Variants in MTPAP observed in about 807,000 individuals in gnomAD.
MTPAP encodes poly(A) RNA polymerase, mitochondrial.
Under a neutral mutation model 48.7 loss-of-function variants are expected in MTPAP, and 23 were observed. That is an observed-to-expected ratio of 0.47 (90% CI 0.34 to 0.67). The LOEUF is 0.67. MTPAP is among the 30% of genes least tolerant of loss of function. The pLI is 0.01. For synonymous variants in MTPAP, 257 were observed against 254.1 expected (o/e 1.01, Z -0.11); for missense variants, 614 against 694.3 (o/e 0.88, Z 1.30).
chr10:30,320,444 C>T (rs1487823357), intron 6 of MTPAP, among the ~76,000 whole-genome samples: 2 of 152,036 alleles, frequency 1.3e-5, no homozygotes, highest in Non-Finnish European at 2.9e-5. Context: ...ATTACGTGAG[C>T]CCGGGAGGTC....
Position 30,313,548 on chromosome 10 carries a change from CAA to C in MTPAP, c.*59_*60del. ...TGTGAAAGTTTCAAATCAGTTTTTC[CAA>C]GTAAGTCCACAGACCATTTGATAGG... On this transcript the variant is annotated 3_prime_UTR_variant, in exon 9 of 9. Transcript: ENST00000263063. The C allele has an allele frequency of 6.2e-7, 1 of 1,605,814 alleles. No individual in the cohort carries two copies.
chr10:30,345,521 A>G (rs1224915433), intron 1 of MTPAP, among the ~76,000 whole-genome samples: 1 of 152,218 alleles, frequency 6.6e-6, no homozygotes, highest in African/African-American at 2.4e-5. Flanking sequence ...GAGAAGATGA[A>G]AAAGGTAGAA....
At chr10:30,335,162 TAC>T (rs1834713667) in intron 4 of MTPAP, among the ~76,000 whole-genome samples, 1 of 152,182 alleles carries the variant, frequency 6.6e-6, no homozygotes, top group South Asian at 2.1e-4. Context: ...TAAGGAAAGA[TAC>T]AGCCATAGAA....
At chr10:30,330,057 C>T (rs182547077) in intron 4 of MTPAP, among the ~76,000 whole-genome samples, 1 of 151,934 alleles carries the variant, frequency 6.6e-6, no homozygotes, top group African/African-American at 2.4e-5. Context: ...GGCAGTGTGA[C>T]CAACAGAGAT....
intron 1 of MTPAP, among the ~76,000 whole-genome samples, chr10:30,343,405 C>CA (rs1235833038): frequency 0.066 from 5,936 of 89,510 alleles, 287 homozygotes; most frequent in African/African-American, 0.15. Context: ...GAGACTGTCT[C>CA]AAAAAAAAAA....
Position 30,340,265 on chromosome 10 carries a change from T to C in MTPAP, c.516A>G (p.Ser172=). 1 of 1,614,236 alleles carries C rather than the reference T, an allele frequency of 6.2e-7. No individual in the cohort carries two copies. Among genetic ancestry groups the C allele is most frequent in the Non-Finnish European group, 8.5e-7 (1 of 1,180,024 alleles). The change falls in exon 3 of 9, where the codon TCA becomes TCG. Residue 172 remains serine, a synonymous_variant. Coordinates refer to ENST00000263063, the MANE Select transcript of MTPAP (RefSeq NM_018109.4). ...AAAGTAATTCAAAAAGCTGCTTGTT[T>C]GAACGTGGCAACTGATTACTTGACC... ...RVRSSNQLPR[S]NKQLFELLCY...
Position 30,313,502 on chromosome 10 carries a change from C to A in MTPAP, c.*107G>T. On this transcript the variant is annotated 3_prime_UTR_variant, in exon 9 of 9. Transcript: ENST00000263063. ...CCAATGAGAAGATCATGAAAAGTGA[C>A]ATCAGATGAAAGCTGAGATCTGTGA... The A allele has an allele frequency of 6.9e-7, 1 of 1,449,288 alleles. No individual in the cohort carries two copies. The highest frequency in any genetic ancestry group is 1.2e-5 in the South Asian group (1 of 86,088). 89.8% of individuals were successfully genotyped at this position (1,449,288 alleles called of 1,614,324 possible).
chr10:30,331,870 A>C (rs1201808516), intron 4 of MTPAP, among the ~76,000 whole-genome samples: 1 of 152,228 alleles, frequency 6.6e-6, no homozygotes, highest in Non-Finnish European at 1.5e-5. Context: ...CCTAGCTGTA[A>C]GTAACTTTTA....
At chr10:30,335,368 C>A (rs1834718983) in intron 4 of MTPAP, among the ~76,000 whole-genome samples, 2 of 152,050 alleles carry the variant, frequency 1.3e-5, no homozygotes, top group African/African-American at 4.8e-5. Context: ...TGCCTGCAGT[C>A]CCAGCTACTT....
intron 1 of MTPAP, among the ~76,000 whole-genome samples, chr10:30,347,133 A>T (rs998671194): frequency 6.6e-6 from 1 of 152,192 alleles, no homozygotes; most frequent in East Asian, 1.9e-4. Context: ...CGAATAATAC[A>T]CCATGTACTC....
chr10:30,340,376 G>T lies in MTPAP; in HGVS notation c.405C>A (p.Ser135Arg). 6.2e-7 allele frequency: 1 copy of T among 1,614,132 alleles called. No individual in the cohort carries two copies. The highest frequency in any genetic ancestry group is 8.5e-7 in the Non-Finnish European group (1 of 1,180,008). ...ATGGAATTGCAGTCTCCATGGCCGT[G>T]CTTGGAGTATGAGTCCCATTCTGCA... ...GSLQNGTHTP[S>R]TAMETAIPFR... is the part of the protein sequence containing the mutation. Residue 135 changes from serine to arginine, a missense_variant, in exon 3 of 9, where the codon AGC becomes AGA. Ser to Arg is a moderately radical substitution (Grantham distance 110). Transcript: ENST00000263063.
In MTPAP at chr10:30,316,215, A is replaced by C. The variant is rs1840660041; in HGVS notation, c.1220-5T>G. 6.2e-7 allele frequency: 1 copy of C among 1,609,052 alleles called. No homozygotes were observed. Among genetic ancestry groups the C allele is most frequent in the Non-Finnish European group, 8.5e-7 (1 of 1,176,130 alleles). ...TTACACATTTATCTTCTGCATCTTA[A>C]ACACAAACAAAAAATATTTCACGTG... On this transcript the variant is annotated splice_region_variant and splice_polypyrimidine_tract_variant and intron_variant, in intron 6 of 8. Coordinates refer to ENST00000263063, the MANE Select transcript of MTPAP (RefSeq NM_018109.4).
chr10:30,332,387 G>A (rs2246964), intron 4 of MTPAP, among the ~76,000 whole-genome samples: 32,648 of 152,036 alleles, frequency 0.21, 3,874 homozygotes, highest in Non-Finnish European at 0.27. Flanking sequence ...CTGCCTCACC[G>A]GGTTCAAGCA....
chr10:30,333,064 T>G (rs1213355903), intron 4 of MTPAP, among the ~76,000 whole-genome samples: 1 of 151,700 alleles, frequency 6.6e-6, no homozygotes, highest in African/African-American at 2.4e-5. Context: ...GAGCTTGCAG[T>G]GAGCCGAGAT....
Position 30,313,818 on chromosome 10 carries a change from T to C in MTPAP, c.1540A>G (p.Thr514Ala), listed in dbSNP as rs1840629555. 2.5e-6 allele frequency: 4 copies of C among 1,614,214 alleles called. No individual in the cohort carries two copies. Among genetic ancestry groups the C allele is most frequent in the East Asian group, 4.5e-5 (2 of 44,892 alleles). The change falls in exon 9 of 9, where the codon ACA (threonine) becomes GCA (alanine). Residue 514 changes from threonine to alanine, a missense_variant. By Grantham distance (58) the Thr-to-Ala change is moderately conservative. This residue lies in a region of MTPAP where 109 missense variants were observed against 100.5 expected (regional missense o/e 1.08). Transcript: ENST00000263063. ...TTACTTGATATGGAAGGTCGATCTG[T>C]ATCTTCCTGTTGTAAAATCCAGGCA... ...ESAWILQQEDTDRPSISSNRP... is the reference protein window; with the variant it reads ...ESAWILQQEDADRPSISSNRP...
At chr10:30,340,918 C>CAA (rs5784192) in intron 2 of MTPAP, among the ~76,000 whole-genome samples, 5 of 148,584 alleles carry the variant, frequency 3.4e-5, no homozygotes, top group Admixed American at 6.7e-5. Flanking sequence ...GACTCCATGT[C>CAA]AAAAAAAAAG....
rs1286731938 is a variant in MTPAP, at chr10:30,332,482, C to T, written c.780+4321G>A. On this transcript the variant is annotated intron_variant, in intron 4 of 8. Transcript: ENST00000263063. Reference sequence around the variant, plus strand: ...CTAATTTTTGTATTTTTAGTAGAGACGGGGTTTCACTACATTGGCCAGGCT... The same window carrying T: ...CTAATTTTTGTATTTTTAGTAGAGATGGGGTTTCACTACATTGGCCAGGCT... Among the ~76,000 whole-genome samples, 6 of 152,052 alleles carry T rather than the reference C, an allele frequency of 3.9e-5. No homozygotes were observed. In the South Asian group the frequency reaches 6.2e-4, roughly 16 times the overall value.
chr10:30,313,575 G>C lies in MTPAP; in HGVS notation c.*34C>G, dbSNP rs1339058754. ...AGTAAGTCCACAGACCATTTGATAG[G>C]CTAAGCCCAGTTCTTTACACAATGT... On this transcript the variant is annotated 3_prime_UTR_variant, in exon 9 of 9. Transcript: ENST00000263063. 6 of 1,613,526 alleles carry C rather than the reference G, an allele frequency of 3.7e-6. No homozygotes were observed. Among genetic ancestry groups the C allele is most frequent in the Non-Finnish European group, 5.1e-6 (6 of 1,179,738 alleles).
chr10:30,336,135 C>T (rs114748401), intron 4 of MTPAP, among the ~76,000 whole-genome samples: 1,665 of 152,218 alleles, frequency 0.011, 24 homozygotes, highest in African/African-American at 0.037. Context: ...AACTCAAAGA[C>T]TGATAGACTG....
Sources: gnomAD v4.1 joint callset for allele counts (sites outside exome capture counted in the v4.1 genomes callset) on GRCh38, gnomAD v4.1.1 for gene constraint, gnomAD v4.1.1 regional missense constraint, MANE v1.5 for transcripts, NCBI Gene and HGNC (gene_info 2026-07-23, HGNC 2026-07-21) for gene names.